AGPAT3: variants seen among roughly 807,000 people sequenced by gnomAD.
AGPAT3 encodes 1-acyl-sn-glycerol-3-phosphate acyltransferase gamma.
AGPAT3 carries 5 observed loss-of-function variants against 47.3 expected under a neutral mutation model. The ratio of observed to expected loss-of-function variants is 0.11; its 90% CI spans 0.06 to 0.22. AGPAT3 has a LOEUF of 0.22. Ranked by LOEUF, AGPAT3 falls within the 10% of genes least tolerant of loss-of-function variation. AGPAT3 has a pLI of 1.00. For missense variants in AGPAT3, 315 were observed against 493.0 expected, an observed-to-expected ratio of 0.64 and a Z score of 3.42; for synonymous variants, 212 against 208.3, an observed-to-expected ratio of 1.02 and a Z score of -0.15.
At chr21:43,976,301 G>A (rs772838542) in intron 7 of AGPAT3, among the ~76,000 whole-genome samples, 11 of 152,086 alleles carry the variant, frequency 7.2e-5, no homozygotes, top group Non-Finnish European at 1.3e-4. Flanking sequence ...TCCTGAGCTC[G>A]TGATCTGCCT....
chr21:43,894,042 G>A (rs191749816), intron 1 of AGPAT3, among the ~76,000 whole-genome samples: 9 of 152,342 alleles, frequency 5.9e-5, no homozygotes, highest in Admixed American at 2.6e-4. Context: ...GTATCTGGAA[G>A]TGCAGCGAAG....
In AGPAT3 at chr21:43,985,531, G is replaced by A; in HGVS notation, c.*3139G>A. 2 of 272,428 alleles carry A rather than the reference G, an allele frequency of 7.3e-6. No homozygotes were observed. Among genetic ancestry groups the A allele is most frequent in the Non-Finnish European group, 7.2e-6 (1 of 139,050 alleles). The allele number at this position is 272,428 out of a possible 1,614,324, so 16.9% of individuals were successfully genotyped here. ...CGTTGCGGTATTGCTGAGCATTGAT[G>A]TTGATTTGAAGGAAAAGCCGTGGTT... On this transcript the variant is annotated 3_prime_UTR_variant, in exon 10 of 10. Coordinates refer to ENST00000291572, the MANE Select transcript of AGPAT3 (RefSeq NM_020132.5).
intron 1 of AGPAT3, among the ~76,000 whole-genome samples, chr21:43,894,603 T>C (rs2086174119): frequency 6.6e-6 from 1 of 152,214 alleles, no homozygotes; most frequent in Admixed American, 6.5e-5. Context: ...TATTTTGAAA[T>C]ATACGATAGA....
chr21:43,897,956 C>G (rs901189550), intron 1 of AGPAT3, among the ~76,000 whole-genome samples: 3 of 152,200 alleles, frequency 2.0e-5, no homozygotes, highest in Non-Finnish European at 4.4e-5. Flanking sequence ...CCGGTCAACA[C>G]GGCGTCTCCA....
chr21:43,962,404 A>T (rs2088918214), intron 3 of AGPAT3, among the ~76,000 whole-genome samples: 2 of 152,234 alleles, frequency 1.3e-5, no homozygotes, highest in South Asian at 4.1e-4. Context: ...ATTCATGAGT[A>T]TAACTGGATA....
intron 2 of AGPAT3, among the ~76,000 whole-genome samples, chr21:43,929,356 G>A (rs575534192): frequency 6.6e-6 from 1 of 152,338 alleles, no homozygotes; most frequent in Non-Finnish European, 1.5e-5. Flanking sequence ...TGGATTGGAA[G>A]GACACTCTGT....
chr21:43,973,554 A>C (rs1040248367), intron 7 of AGPAT3, among the ~76,000 whole-genome samples: 4 of 152,222 alleles, frequency 2.6e-5, no homozygotes, highest in Non-Finnish European at 5.9e-5. Flanking sequence ...CTCGGGTGCC[A>C]CACAGCCCCC....
At chr21:43,897,621 AGGGGGCGGCCGGG>A (rs1390589319) in intron 1 of AGPAT3, among the ~76,000 whole-genome samples, 13 of 148,774 alleles carry the variant, frequency 8.7e-5, no homozygotes, top group South Asian at 2.1e-4. Context: ...CACCTCCCAG[AGGGGGCGGCCGGG>A]CAGAGGCGCT....
At chr21:43,957,532 A>ACGGCC in intron 2 of AGPAT3, among the ~76,000 whole-genome samples, 1 of 126,262 alleles carries the variant, frequency 7.9e-6, no homozygotes, top group South Asian at 2.7e-4. Flanking sequence ...TCCCCTCCAC[A>ACGGCC]CGGGGGTCTC....
chr21:43,917,604 T>C (rs2086760818), intron 2 of AGPAT3, among the ~76,000 whole-genome samples: 1 of 151,962 alleles, frequency 6.6e-6, no homozygotes, highest in Non-Finnish European at 1.5e-5. Flanking sequence ...GGGGAAGAGG[T>C]AAAGTGAGGG....
chr21:43,978,064 C>T lies in AGPAT3; in HGVS notation c.786C>T (p.Asp262=), dbSNP rs1208148298. The change falls in exon 8 of 10, where the codon GAC becomes GAT. Residue 262 remains aspartate, a synonymous_variant. Transcript: ENST00000291572. ...DMCVRRFPLE[D]IPLDEKEAAQ... The stretch of plus-strand genomic sequence containing the variant: ...AAAACAGGAGATTTCCTCTGGAAGA[C>T]ATCCCGCTGGATGAAAAGGAAGCAG... 2 of 1,613,456 alleles carry T rather than the reference C, an allele frequency of 1.2e-6. No individual in the cohort carries two copies. The highest frequency in any genetic ancestry group is 1.7e-5 in the Admixed American group (1 of 59,966).
chr21:43,899,256 C>T (rs2086296968), intron 1 of AGPAT3, among the ~76,000 whole-genome samples: 1 of 152,206 alleles, frequency 6.6e-6, no homozygotes, highest in South Asian at 2.1e-4. Context: ...CAGTGCCGTT[C>T]TTTCAGCACT....
chr21:43,950,117 A>G (rs7278317), intron 2 of AGPAT3, among the ~76,000 whole-genome samples: 30,372 of 152,218 alleles, frequency 0.2, 5,716 homozygotes, highest in African/African-American at 0.5. Flanking sequence ...CCAGTGACCT[A>G]GAGCCATTAA....
intron 2 of AGPAT3, among the ~76,000 whole-genome samples, chr21:43,936,790 G>A (rs2146329149): frequency 6.6e-6 from 1 of 152,360 alleles, no homozygotes; most frequent in South Asian, 2.1e-4. Context: ...GCTCTCCCGT[G>A]TCAGCTCCGC....
At chr21:43,897,806 T>C (rs897782220) in intron 1 of AGPAT3, among the ~76,000 whole-genome samples, 27 of 151,952 alleles carry the variant, frequency 1.8e-4, no homozygotes, top group African/African-American at 6.3e-4. Context: ...GAGGTGGAGG[T>C]TGTAGCGAGC....
In AGPAT3 at chr21:43,955,149, C is replaced by T. The variant is rs1345900735; in HGVS notation, c.-48-4485C>T. The T allele has an allele frequency of 2.3e-6, 3 of 1,277,346 alleles. No individual in the cohort carries two copies. Among genetic ancestry groups the T allele is most frequent in the Non-Finnish European group, 3.1e-6 (3 of 981,376 alleles). The allele number at this position is 1,277,346 out of a possible 1,614,324, so 79.1% of individuals were successfully genotyped here. On this transcript the variant is annotated intron_variant, in intron 2 of 9. Coordinates refer to ENST00000291572, the MANE Select transcript of AGPAT3 (RefSeq NM_020132.5). This position sits in a 1 kb window ranked among gnomAD's most constrained non-coding sequence, Gnocchi z 4.1. Reference sequence around the variant, plus strand: ...GGTCACTCAGCAGCCACGGATGCGCCCTGGGTGCTGTCCCGGGGCCGTCTC... The same window carrying T: ...GGTCACTCAGCAGCCACGGATGCGCTCTGGGTGCTGTCCCGGGGCCGTCTC...
At chr21:43,912,745 C>T (rs1201995044) in intron 2 of AGPAT3, among the ~76,000 whole-genome samples, 4 of 152,286 alleles carry the variant, frequency 2.6e-5, no homozygotes, top group South Asian at 2.1e-4. Context: ...TCCTGTGTCC[C>T]GGGATAAACC....
chr21:43,909,865 G>A (rs1020220320), intron 2 of AGPAT3, among the ~76,000 whole-genome samples: 20 of 152,136 alleles, frequency 1.3e-4, no homozygotes, highest in Admixed American at 1.0e-3. Context: ...CGTCCTGCAG[G>A]GTCTATCTGA....
chr21:43,950,407 A>C (rs1569084403), intron 2 of AGPAT3, among the ~76,000 whole-genome samples: 1 of 152,236 alleles, frequency 6.6e-6, no homozygotes, highest in Non-Finnish European at 1.5e-5. Flanking sequence ...TGAAGAGGTA[A>C]GGTGGTCTCT....
Sources: gnomAD v4.1 joint callset for allele counts (sites outside exome capture counted in the v4.1 genomes callset) on GRCh38, gnomAD v4.1.1 for gene constraint, Gnocchi (gnomAD v3.1) non-coding constraint, MANE v1.5 for transcripts, NCBI Gene and HGNC (gene_info 2026-07-23, HGNC 2026-07-21) for gene names.